ZNF26: variants seen among roughly 807,000 people sequenced by gnomAD.
ZNF26 encodes epididymis luminal protein 179.
Under a neutral mutation model 54.9 loss-of-function variants are expected in ZNF26, and 32 were observed. The observed-to-expected ratio is 0.58, with a 90% confidence interval of 0.44 to 0.78. The LOEUF is 0.78. ZNF26 is among the 30% of genes least tolerant of loss of function. The pLI is 0.00. For synonymous variants in ZNF26, 221 were observed against 209.2 expected, an observed-to-expected ratio of 1.06 and a Z score of -0.49; for missense variants, 524 against 634.0, an observed-to-expected ratio of 0.83 and a Z score of 1.86.
At position 133,025,138 on chromosome 12, in the gene ZNF26, T is replaced by C. The variant is rs1407427889; in HGVS notation, c.*13657T>C. ...CAAACCCTAATCACCGAACTGGTAA[T>C]GGGTACCCAGTAGGATTTATGGATT... On this transcript the variant is annotated 3_prime_UTR_variant, in exon 4 of 4. Coordinates refer to ENST00000328654, the MANE Select transcript of ZNF26 (RefSeq NM_019591.4). 2.6e-5 allele frequency: 4 copies of C among 152,140 alleles called. No individual in the cohort carries two copies. Among genetic ancestry groups the C allele is most frequent in the Admixed American group, 6.6e-5 (1 of 15,254 alleles). 9.4% of individuals were successfully genotyped at this position (152,140 alleles called of 1,614,324 possible).
rs1334756950 is a variant in ZNF26 at position 133,019,922 on chromosome 12, C to A, written c.*8441C>A. 6.6e-6 allele frequency: 1 copy of A among 152,080 alleles called. No individual in the cohort carries two copies. Among genetic ancestry groups the A allele is most frequent in the Non-Finnish European group, 1.5e-5 (1 of 68,070 alleles). 9.4% of individuals were successfully genotyped at this position (152,080 alleles called of 1,614,324 possible). On this transcript the variant is annotated 3_prime_UTR_variant, in exon 4 of 4. Transcript: ENST00000328654. ...ACCAGCTTCACCAGCCTGGTGAAAC[C>A]CCGTCTCTACTAAAAATACAAAAGT...
At chr12:133,004,062 C>T (rs1953275264) in intron 1 of ZNF26, among the ~76,000 whole-genome samples, 1 of 152,132 alleles carries the variant, frequency 6.6e-6, no homozygotes, top group Admixed American at 6.5e-5. Context: ...TGGTGTATCT[C>T]ATAAGTTTCA....
chr12:132,987,330 G>A (rs1366644911), intron 1 of ZNF26, among the ~76,000 whole-genome samples: 1 of 152,156 alleles, frequency 6.6e-6, no homozygotes, highest in Non-Finnish European at 1.5e-5. Context: ...AGGAGCTTTG[G>A]TTTGGTGGAG....
rs1202790274 is a variant in ZNF26, at chr12:133,024,461, C to T, written c.*12980C>T. ...CTAAGTGTTTTCTAGACCCAGTGTT[C>T]AGGATGCTACCTGGCTCCTCATTGC... On this transcript the variant is annotated 3_prime_UTR_variant, in exon 4 of 4. Coordinates refer to ENST00000328654, the MANE Select transcript of ZNF26 (RefSeq NM_019591.4). 1 of 152,124 alleles carries T rather than the reference C, an allele frequency of 6.6e-6. No individual in the cohort carries two copies. The highest frequency in any genetic ancestry group is 2.4e-5 in the African/African-American group (1 of 41,426). The allele number at this position is 152,124 out of a possible 1,614,324, so 9.4% of individuals were successfully genotyped here.
chr12:132,997,015 AC>A, intron 1 of ZNF26, among the ~76,000 whole-genome samples: 1 of 152,272 alleles, frequency 6.6e-6, no homozygotes, highest in East Asian at 1.9e-4. Context: ...CTGCACCATT[AC>A]CCCCAGACCC....
chr12:133,011,562 CT>C lies in ZNF26; in HGVS notation c.*82del. 5 of 1,387,028 alleles carry C rather than the reference CT, an allele frequency of 3.6e-6. No homozygotes were observed. In the South Asian group the frequency reaches 6.9e-5, roughly 19 times the overall value. The allele number at this position is 1,387,028 out of a possible 1,614,324, so 85.9% of individuals were successfully genotyped here. A position where few individuals can be genotyped will look rare whatever the true frequency, so the allele number is the denominator to read the frequency against. ...AGACAGGATTTACAAGCAGGAGGCCCTAAAATTACACTCATGTCAAAAATCA... is the reference window on the plus strand; with the variant it reads ...AGACAGGATTTACAAGCAGGAGGCCCAAAATTACACTCATGTCAAAAATCA... On this transcript the variant is annotated 3_prime_UTR_variant, in exon 4 of 4. Coordinates refer to ENST00000328654, the MANE Select transcript of ZNF26 (RefSeq NM_019591.4).
chr12:133,007,268 T>A lies in ZNF26; in HGVS notation c.160+100T>A, dbSNP rs1042932416. 6.2e-4 allele frequency: 915 copies of A among 1,466,826 alleles called. 4 individuals carry two copies. The African/African-American group carries it at 0.012, about 19-fold the overall frequency. The allele number at this position is 1,466,826 out of a possible 1,614,324, so 90.9% of individuals were successfully genotyped here. On this transcript the variant is annotated intron_variant, in intron 2 of 3. Transcript: ENST00000328654. The stretch of plus-strand genomic sequence containing the variant: ...CCGGGATCTCTGAAGTGCTTAATGA[T>A]TATGAACTTGAACTTTAGGGGTCAA...
Position 133,019,155 on chromosome 12 carries a change from C to A in ZNF26, c.*7674C>A, listed in dbSNP as rs961475448. ...AGAAAAGTATTTTGTAAAGATAAGT[C>A]ATCAAGAAGATGTAACAATTATAAA... On this transcript the variant is annotated 3_prime_UTR_variant, in exon 4 of 4. Transcript: ENST00000328654. 2.6e-4 allele frequency: 39 copies of A among 152,100 alleles called. No homozygotes were observed. Among genetic ancestry groups the A allele is most frequent in the African/African-American group, 9.2e-4 (38 of 41,418 alleles). The allele number at this position is 152,100 out of a possible 1,614,324, so 9.4% of individuals were successfully genotyped here. A position where few individuals can be genotyped will look rare whatever the true frequency, so the allele number is the denominator to read the frequency against.
At position 133,024,568 on chromosome 12, in the gene ZNF26, A is replaced by T. The variant is rs1953678428; in HGVS notation, c.*13087A>T. On this transcript the variant is annotated 3_prime_UTR_variant, in exon 4 of 4. Transcript: ENST00000328654. ...GGTAAACAGTCTTTTCAGCTTGTAA[A>T]GCATTCTCAAAGTACGAAAGCTCCT... 2 of 152,216 alleles carry T rather than the reference A, an allele frequency of 1.3e-5. No individual in the cohort carries two copies. The highest frequency in any genetic ancestry group is 4.8e-5 in the African/African-American group (2 of 41,458). 9.4% of individuals were successfully genotyped at this position (152,216 alleles called of 1,614,324 possible). A position where few individuals can be genotyped will look rare whatever the true frequency, so the allele number is the denominator to read the frequency against.
chr12:133,009,299 T>G (rs1953415366), intron 3 of ZNF26, among the ~76,000 whole-genome samples: 1 of 152,166 alleles, frequency 6.6e-6, no homozygotes, highest in Non-Finnish European at 1.5e-5. Flanking sequence ...TTTTCTGTAA[T>G]TAAAACCTTT....
intron 1 of ZNF26, among the ~76,000 whole-genome samples, chr12:132,993,603 A>G (rs949860667): frequency 6.7e-6 from 1 of 150,348 alleles, no homozygotes; most frequent in Non-Finnish European, 1.5e-5. Flanking sequence ...CTACAGGTGC[A>G]CTCCACCATG....
rs1953438361 is a variant in ZNF26 at position 133,010,229 on chromosome 12, G to A, written c.350G>A (p.Ser117Asn). The A allele has an allele frequency of 9.9e-6, 16 of 1,613,992 alleles. No homozygotes were observed. The highest frequency in any genetic ancestry group is 1.4e-5 in the Non-Finnish European group (16 of 1,180,000). ...AGTGTGTTGGGAAGACTTAATCTGAGCAAAACCCATGATTCTTCAAGACAG... is the reference window on the plus strand; with the variant it reads ...AGTGTGTTGGGAAGACTTAATCTGAACAAAACCCATGATTCTTCAAGACAG... ...ACSVLGRLNL[S>N]KTHDSSRQRL... Residue 117 changes from serine (S) to asparagine (N), a missense_variant, in exon 4 of 4, where the codon AGC (serine) becomes AAC (asparagine). Physicochemically the swap from Ser to Asn is conservative, Grantham distance 46. Transcript: ENST00000328654.
At chr12:132,991,141 G>A (rs1309205752) in intron 1 of ZNF26, among the ~76,000 whole-genome samples, 9 of 151,614 alleles carry the variant, frequency 5.9e-5, no homozygotes, top group Admixed American at 5.9e-4. Context: ...TTACAGGCAT[G>A]AGCCACTGTG....
At chr12:132,997,633 G>C (rs1287128659) in intron 1 of ZNF26, among the ~76,000 whole-genome samples, 5 of 152,236 alleles carry the variant, frequency 3.3e-5, no homozygotes, top group African/African-American at 9.6e-5. Context: ...GTGGAAAACA[G>C]ATTAGGCCAA....
At position 133,010,946 on chromosome 12, in the gene ZNF26, A is replaced by G. The variant is rs1953458387; in HGVS notation, c.1067A>G (p.Gln356Arg). Residue 356 changes from glutamine (Q) to arginine (R), a missense_variant, in exon 4 of 4, where the codon CAA becomes CGA. Coordinates refer to ENST00000328654, the MANE Select transcript of ZNF26 (RefSeq NM_019591.4). ...GGGAAAGCCTTCAATATGAAGACAC[A>G]ACTCATTGTACATCAGGGAGTTCAC... The part of the protein sequence containing the change: ...DCGKAFNMKT[Q>R]LIVHQGVHTG... 1.9e-6 allele frequency: 3 copies of G among 1,614,034 alleles called. No individual in the cohort carries two copies. The highest frequency in any genetic ancestry group is 2.7e-5 in the African/African-American group (2 of 74,910).
intron 1 of ZNF26, chr12:132,987,758 A>G (rs1046008622): frequency 5.1e-6 from 5 of 984,572 alleles, no homozygotes; most frequent in Non-Finnish European, 6.0e-6. Context: ...GGAACCCTCA[A>G]GAGGACCGAG....
rs927207715 is a variant in ZNF26, at chr12:132,986,540, G to A, written c.-301G>A. 2.2e-5 allele frequency: 11 copies of A among 510,460 alleles called. No homozygotes were observed. The East Asian group carries it at 2.6e-4, about 12-fold the overall frequency. 31.6% of individuals were successfully genotyped at this position (510,460 alleles called of 1,614,324 possible). Reference sequence around the variant, plus strand: ...GAGACTTGACCAGCTAAACACTTCCGTCGGTCCGGGGCGTGGACGGGGCCA... The same window carrying A: ...GAGACTTGACCAGCTAAACACTTCCATCGGTCCGGGGCGTGGACGGGGCCA... On this transcript the variant is annotated 5_prime_UTR_variant, in exon 1 of 4. Coordinates refer to ENST00000328654, the MANE Select transcript of ZNF26 (RefSeq NM_019591.4).
intron 1 of ZNF26, among the ~76,000 whole-genome samples, chr12:132,992,219 GA>G: frequency 6.6e-6 from 1 of 152,070 alleles, no homozygotes; most frequent in African/African-American, 2.4e-5. Flanking sequence ...AAGTTTACTT[GA>G]AATAGCAATA....
rs1953647219 is a variant in ZNF26 at position 133,021,841 on chromosome 12, A to G, written c.*10360A>G. 1 of 152,156 alleles carries G rather than the reference A, an allele frequency of 6.6e-6. No homozygotes were observed. The highest frequency in any genetic ancestry group is 2.1e-4 in the South Asian group (1 of 4,822). The allele number at this position is 152,156 out of a possible 1,614,324, so 9.4% of individuals were successfully genotyped here. On this transcript the variant is annotated 3_prime_UTR_variant, in exon 4 of 4. Coordinates refer to ENST00000328654, the MANE Select transcript of ZNF26 (RefSeq NM_019591.4). Reference sequence around the variant, plus strand: ...AAAAATTTGAGGAATATTGGTAAAGAATATTTACAAATTCATTATCATTGT... The same window carrying G: ...AAAAATTTGAGGAATATTGGTAAAGGATATTTACAAATTCATTATCATTGT...
Sources: gnomAD v4.1 joint callset for allele counts (sites outside exome capture counted in the v4.1 genomes callset) on GRCh38, gnomAD v4.1.1 for gene constraint, MANE v1.5 for transcripts, NCBI Gene and HGNC (gene_info 2026-07-23, HGNC 2026-07-21) for gene names.